Variants in ITSN1 observed in about 807,000 individuals in gnomAD.
ITSN1 encodes intersectin 1.
In ITSN1, 58 loss-of-function variants were observed where a neutral mutation model predicts 239.8. The observed-to-expected ratio is 0.24, with a 90% CI of 0.20 to 0.30. ITSN1 has a LOEUF of 0.30. Ranked by LOEUF, ITSN1 falls within the 10% of genes least tolerant of loss-of-function variation. The probability of loss-of-function intolerance (pLI) is 1.00; values close to 1 mark genes in which losing one functional copy is unlikely to be tolerated. For missense variants in ITSN1, 1,558 were observed against 2,103.3 expected, an observed-to-expected ratio of 0.74 and a Z score of 5.07; for synonymous variants, 780 against 770.8, an observed-to-expected ratio of 1.01 and a Z score of -0.20.
intron 1 of ITSN1, among the ~76,000 whole-genome samples, chr21:33,660,429 A>G (rs2089462380): frequency 1.3e-5 from 2 of 152,246 alleles, no homozygotes; most frequent in Admixed American, 6.5e-5. Flanking sequence ...CACTTAAAAT[A>G]GCTGTAATAA....
At chr21:33,823,676 C>T (rs776711146) in intron 25 of ITSN1, 23 bp downstream of exon 25, 4 of 1,599,706 alleles carry the variant, frequency 2.5e-6, no homozygotes, top group Non-Finnish European at 3.4e-6. Context: ...TAACTGTTTC[C>T]TCTCCCTTTC....
chr21:33,867,141 T>A, intron 32 of ITSN1, 92 bp from the exon 33 acceptor site: 1 of 752,636 alleles, frequency 1.3e-6, no homozygotes. Context: ...AATGAGATAA[T>A]GGGTGGAGAG....
chr21:33,686,215 G>A (rs1402339601), intron 1 of ITSN1, among the ~76,000 whole-genome samples: 1 of 152,014 alleles, frequency 6.6e-6, no homozygotes, highest in Non-Finnish European at 1.5e-5. Flanking sequence ...TCATAGGGAT[G>A]TTGTTAGAAT....
intron 12 of ITSN1, 77 bp from the exon 13 acceptor site, chr21:33,774,652 A>C (rs75758320): frequency 1.4e-6 from 2 of 1,381,684 alleles, no homozygotes; most frequent in Non-Finnish European, 2.0e-6. Context: ...AAGACTTCCT[A>C]GATGCCATTT....
intron 33 of ITSN1, 138 bp downstream of exon 33, chr21:33,867,469 G>T: frequency 1.6e-6 from 1 of 625,104 alleles, no homozygotes; most frequent in Admixed American, 2.7e-5. Context: ...GTGTCACAGA[G>T]GTCTGCTTGG....
chr21:33,671,981 C>T (rs1321314551), intron 1 of ITSN1, among the ~76,000 whole-genome samples: 3 of 152,094 alleles, frequency 2.0e-5, no homozygotes, highest in Admixed American at 6.5e-5. Flanking sequence ...AGTGACTCAA[C>T]GCCTGTAATT....
intron 18 of ITSN1, among the ~76,000 whole-genome samples, chr21:33,798,870 AT>A (rs558336835): frequency 2.6e-4 from 39 of 152,144 alleles, no homozygotes; most frequent in African/African-American, 8.2e-4. Flanking sequence ...GGGCAAATTA[AT>A]TTTTTGATAG....
At position 33,826,775 on chromosome 21, in the gene ITSN1, C is replaced by A; in HGVS notation, c.3184-43C>A. On this transcript the variant is annotated intron_variant, in intron 25 of 39. Transcript: ENST00000381318. ...TTAATCGTTTTTAAAGTTGCATGATCAAAACTTCAGCATGCAAATGAGACC... is the reference window on the plus strand; with the variant it reads ...TTAATCGTTTTTAAAGTTGCATGATAAAAACTTCAGCATGCAAATGAGACC... 5 of 1,583,694 alleles carry A rather than the reference C, an allele frequency of 3.2e-6. No individual in the cohort carries two copies. The South Asian group carries it at 3.4e-5, about 11-fold the overall frequency.
rs367837251 is a variant in ITSN1, at chr21:33,858,804, C to G, written c.3890+12C>G. 1.1e-4 allele frequency: 178 copies of G among 1,549,450 alleles called. No homozygotes were observed. The African/African-American group carries it at 1.7e-3, about 15-fold the overall frequency. On this transcript the variant is annotated intron_variant, in intron 31 of 39. Transcript: ENST00000381318. ...ATCAAACTACTAAAGTAAGCCTCTC[C>G]TCTAATCCCCAGCCTGGCTTGGCCT...
rs116784288 is a variant in ITSN1 at position 33,778,949 on chromosome 21, G to C, written c.1597-2512G>C. ...GTCTCTTCTTTCTTTACTGATATTG[G>C]TAATTTGTGTCCTCTCACTCTGTCT... is the stretch of plus-strand genomic sequence containing the variant. On this transcript the variant is annotated intron_variant, in intron 14 of 39. Transcript: ENST00000381318. Among the ~76,000 whole-genome samples, 744 of 152,066 alleles carry C rather than the reference G, an allele frequency of 4.9e-3. 4 individuals are homozygous for C. Among genetic ancestry groups the C allele is most frequent in the African/African-American group, 0.017 (703 of 41,470 alleles).
Position 33,765,975 on chromosome 21 carries a change from C to T in ITSN1, c.889C>T (p.Pro297Ser). 6.2e-7 allele frequency: 1 copy of T among 1,614,180 alleles called. No homozygotes were observed. Among genetic ancestry groups the T allele is most frequent in the Non-Finnish European group, 8.5e-7 (1 of 1,180,016 alleles). ...DVAMSGQPLP[P>S]VLPPEYIPPS... is the part of the protein sequence containing the mutation. Reference sequence around the variant, plus strand: ...AGCTATGTCTGGCCAACCACTGCCACCTGTCCTGCCTCCAGAATACATTCC... The same window carrying T: ...AGCTATGTCTGGCCAACCACTGCCATCTGTCCTGCCTCCAGAATACATTCC... The change falls in exon 10 of 40, where the codon CCT becomes TCT. Residue 297 changes from proline to serine, a missense_variant. Coordinates refer to ENST00000381318, the MANE Select transcript of ITSN1 (RefSeq NM_003024.3).
chr21:33,794,522 A>G (rs1247403322), intron 17 of ITSN1, 54 bp downstream of exon 17: 38 of 1,561,862 alleles, frequency 2.4e-5, no homozygotes, highest in Non-Finnish European at 2.9e-5. Context: ...AGGATTTACT[A>G]TTCTTTGCTT....
At chr21:33,886,583 C>A (rs943941674) in intron 39 of ITSN1, 123 bp downstream of exon 39, 1 of 852,696 alleles carries the variant, frequency 1.2e-6, no homozygotes, top group Non-Finnish European at 1.8e-6. Context: ...AGAGATGAGG[C>A]TGGCTGGCAC....
intron 29 of ITSN1, chr21:33,837,953 T>G: frequency 1.0e-6 from 1 of 985,762 alleles, no homozygotes; most frequent in Non-Finnish European, 1.2e-6. Flanking sequence ...TTCCAGTTAC[T>G]TTTCATGGAA....
Position 33,765,188 on chromosome 21 carries a change from G to A in ITSN1, c.789-687G>A, listed in dbSNP as rs1385223522. 5.3e-5 allele frequency among the ~76,000 whole-genome samples: 8 copies of A among 152,306 alleles called. 1 individual carries two copies. In the South Asian group the frequency reaches 1.7e-3, roughly 32 times the overall value. On this transcript the variant is annotated intron_variant, in intron 9 of 39. Transcript: ENST00000381318. The stretch of plus-strand genomic sequence containing the variant: ...TTTACTACCTGACCCTTTACTGATA[G>A]TTTGTCATTTCCTGGTCTAGAGCAG...
At chr21:33,646,780 T>G (rs2087993427) in intron 1 of ITSN1, among the ~76,000 whole-genome samples, 1 of 152,172 alleles carries the variant, frequency 6.6e-6, no homozygotes, top group East Asian at 1.9e-4. Context: ...GCTAACCCAT[T>G]TAATTATTGT....
intron 33 of ITSN1, among the ~76,000 whole-genome samples, chr21:33,872,642 C>T (rs1017096366): frequency 1.3e-5 from 2 of 152,166 alleles, no homozygotes; most frequent in Non-Finnish European, 2.9e-5. Context: ...AGTGATTCTC[C>T]TGCCTCACCC....
chr21:33,646,181 C>T (rs1202380204), intron 1 of ITSN1, among the ~76,000 whole-genome samples: 1 of 152,174 alleles, frequency 6.6e-6, no homozygotes, highest in African/African-American at 2.4e-5. Context: ...GCCACAAGCA[C>T]TATACCCCAG....
intron 1 of ITSN1, among the ~76,000 whole-genome samples, chr21:33,650,606 T>C (rs1325552216): frequency 1.3e-5 from 2 of 152,338 alleles, no homozygotes; most frequent in East Asian, 3.9e-4. Context: ...CTTAAGATAG[T>C]AGATTTTAAA....
Sources: gnomAD v4.1 joint callset for allele counts (sites outside exome capture counted in the v4.1 genomes callset) on GRCh38, gnomAD v4.1.1 for gene constraint, MANE v1.5 for transcripts, NCBI Gene and HGNC (gene_info 2026-07-23, HGNC 2026-07-21) for gene names.